The following RAP1GAP2 variants were observed in gnomAD, a reference collection of about 807,000 sequenced individuals.
RAP1GAP2 encodes the protein rap1 GTPase-activating protein 2.
A neutral mutation model predicts 95.0 loss-of-function variants in RAP1GAP2; 27 were observed. The ratio of observed to expected loss-of-function variants is 0.28; its 90% CI spans 0.21 to 0.39. The LOEUF is 0.39. RAP1GAP2 is among the 10% of genes least tolerant of loss of function. RAP1GAP2 has a pLI of 1.00. For missense variants in RAP1GAP2, 771 were observed against 970.0 expected, an observed-to-expected ratio of 0.79 and a Z score of 2.72; for synonymous variants, 373 against 380.9, an observed-to-expected ratio of 0.98 and a Z score of 0.24.
intron 1 of RAP1GAP2, among the ~76,000 whole-genome samples, chr17:2,786,225 A>C (rs2151455954): frequency 6.6e-6 from 1 of 152,272 alleles, no homozygotes; most frequent in Admixed American, 6.5e-5. Context: ...ACAGATGAAA[A>C]ACCTGAGGCA....
intron 11 of RAP1GAP2, among the ~76,000 whole-genome samples, chr17:2,989,613 G>A (rs73298926): frequency 0.013 from 2,045 of 152,106 alleles, 50 homozygotes; most frequent in African/African-American, 0.047. Context: ...AATTGCAGGC[G>A]TGAGGCACCG....
intron 2 of RAP1GAP2, among the ~76,000 whole-genome samples, chr17:2,853,015 G>A (rs891898488): frequency 5.9e-5 from 9 of 151,856 alleles, no homozygotes; most frequent in African/African-American, 2.2e-4. Context: ...GGAGTGGGGG[G>A]CGCCCGGCCC....
chr17:2,849,149 G>T (rs778218808), intron 2 of RAP1GAP2, among the ~76,000 whole-genome samples: 1 of 152,218 alleles, frequency 6.6e-6, no homozygotes, highest in Non-Finnish European at 1.5e-5. Flanking sequence ...TAACCCTTGC[G>T]TTGTCCCAAA....
intron 2 of RAP1GAP2, among the ~76,000 whole-genome samples, chr17:2,883,249 C>T (rs1447455111): frequency 6.6e-6 from 1 of 152,212 alleles, no homozygotes; most frequent in Non-Finnish European, 1.5e-5. Context: ...GGCAGCAAAG[C>T]CTTTCCTGAG....
intron 3 of RAP1GAP2, among the ~76,000 whole-genome samples, chr17:2,941,521 G>C (rs570364275): frequency 1.3e-5 from 2 of 152,320 alleles, no homozygotes; most frequent in African/African-American, 4.8e-5. Flanking sequence ...AGGAGCCCGA[G>C]GCGCTGTCCA....
At chr17:2,999,097 C>T (rs574103400) in intron 14 of RAP1GAP2, among the ~76,000 whole-genome samples, 1 of 152,288 alleles carries the variant, frequency 6.6e-6, no homozygotes, top group East Asian at 1.9e-4. Flanking sequence ...ACCTCCCAAG[C>T]AGTCACGGGT....
intron 2 of RAP1GAP2, among the ~76,000 whole-genome samples, chr17:2,862,435 AACGAAAAGCACTTCTGTTCAG>A (rs2072440013): frequency 6.6e-6 from 1 of 152,138 alleles, no homozygotes; most frequent in Non-Finnish European, 1.5e-5. Context: ...CGGTGAAATC[AACGAAAAGCACTTCTGTTCAG>A]ACGGGGGCTG....
At chr17:2,979,460 G>GTTTTTTTT (rs71153320) in intron 8 of RAP1GAP2, among the ~76,000 whole-genome samples, 14 of 78,606 alleles carry the variant, frequency 1.8e-4, no homozygotes, top group South Asian at 1.0e-3. Context: ...GGCGTGTTCT[G>GTTTTTTTT]TTTTTTTTTT....
intron 5 of RAP1GAP2, chr17:2,962,971 T>TATCA: frequency 1.9e-6 from 1 of 518,156 alleles, no homozygotes; most frequent in Non-Finnish European, 3.4e-6. Flanking sequence ...GGCTTGGCCG[T>TATCA]TTGGCCCGGC....
intron 22 of RAP1GAP2, among the ~76,000 whole-genome samples, chr17:3,028,662 A>G (rs2047200640): frequency 6.6e-6 from 1 of 152,170 alleles, no homozygotes; most frequent in African/African-American, 2.4e-5. Context: ...AGTGAGTGGA[A>G]GAGTTCACGT....
chr17:2,807,386 C>T (rs1336614361), intron 2 of RAP1GAP2, among the ~76,000 whole-genome samples: 1 of 152,208 alleles, frequency 6.6e-6, no homozygotes, highest in Admixed American at 6.5e-5. Flanking sequence ...ACACCTAGGG[C>T]ATCTGCTGAG....
chr17:2,787,705 A>C (rs972307268), intron 1 of RAP1GAP2, among the ~76,000 whole-genome samples: 3 of 151,832 alleles, frequency 2.0e-5, no homozygotes, highest in African/African-American at 7.3e-5. Flanking sequence ...GTAGCTGGGA[A>C]TACAGGCGCA....
chr17:2,931,593 G>A (rs2043158627), intron 3 of RAP1GAP2, among the ~76,000 whole-genome samples: 1 of 152,212 alleles, frequency 6.6e-6, no homozygotes, highest in African/African-American at 2.4e-5. Context: ...ATAGGGAAGA[G>A]AGCTGTTGAG....
chr17:2,892,614 T>A (rs566355783), intron 2 of RAP1GAP2, among the ~76,000 whole-genome samples: 1 of 152,186 alleles, frequency 6.6e-6, no homozygotes, highest in South Asian at 2.1e-4. Flanking sequence ...TCTCTCTCCA[T>A]GTAGCCTCTC....
chr17:2,781,811 CGTCTCTGTGTGTGCAG>C (rs1256884407), intron 1 of RAP1GAP2, among the ~76,000 whole-genome samples: 5 of 142,376 alleles, frequency 3.5e-5, no homozygotes, highest in African/African-American at 1.3e-4. Flanking sequence ...TGTGTGTGCA[CGTCTCTGTGTGTGCAG>C]GTCTCTGTGT....
Position 3,029,354 on chromosome 17 carries a change from C to T in RAP1GAP2, c.2108-1568C>T, listed in dbSNP as rs558228766. ...CACGGTGAGGCTGCCTCTTACACAC[C>T]TTTTCTCCACACAGTATTTAACCCC... On this transcript the variant is annotated intron_variant, in intron 22 of 24. Transcript: ENST00000254695. The surrounding 1 kb of genome is among the most constrained non-coding windows in gnomAD (Gnocchi z 4.4). Among the ~76,000 whole-genome samples the T allele has an allele frequency of 2.5e-3, 386 of 152,258 alleles. 1 individual carries two copies. Among genetic ancestry groups the T allele is most frequent in the African/African-American group, 9.1e-3 (379 of 41,554 alleles).
rs1231838567 is a variant in RAP1GAP2 at position 3,027,350 on chromosome 17, T to G, written c.2107+280T>G. 6.6e-6 allele frequency among the ~76,000 whole-genome samples: 1 copy of G among 152,156 alleles called. No homozygotes were observed. The highest frequency in any genetic ancestry group is 1.5e-5 in the Non-Finnish European group (1 of 68,016). ...GAGTCGGGATTGGCAGTGGGAAAGC[T>G]GAGCACTTTCCATTAGCCCTTCTCC... On this transcript the variant is annotated intron_variant, in intron 22 of 24. Transcript: ENST00000254695. The surrounding 1 kb of genome is among the most constrained non-coding windows in gnomAD (Gnocchi z 5.2).
At chr17:2,951,351 T>C (rs1234994358) in intron 3 of RAP1GAP2, among the ~76,000 whole-genome samples, 1 of 152,226 alleles carries the variant, frequency 6.6e-6, no homozygotes, top group East Asian at 1.9e-4. Context: ...TGGGATCTTG[T>C]GTCTTGCAAA....
At chr17:2,885,846 G>A (rs1045168268) in intron 2 of RAP1GAP2, among the ~76,000 whole-genome samples, 3 of 152,318 alleles carry the variant, frequency 2.0e-5, no homozygotes, top group Non-Finnish European at 2.9e-5. Flanking sequence ...GAATATCGCC[G>A]TGTCTGTGGA....
Sources: gnomAD v4.1 joint callset for allele counts (sites outside exome capture counted in the v4.1 genomes callset) on GRCh38, gnomAD v4.1.1 for gene constraint, Gnocchi (gnomAD v3.1) non-coding constraint, MANE v1.5 for transcripts, NCBI Gene and HGNC (gene_info 2026-07-23, HGNC 2026-07-21) for gene names.